Variants in MTOR observed in about 807,000 individuals in gnomAD.
MTOR encodes serine/threonine-protein kinase mTOR.
Under a neutral mutation model 319.8 loss-of-function variants are expected in MTOR, and 70 were observed. That is an observed-to-expected ratio of 0.22 (90% CI 0.18 to 0.27). The LOEUF is 0.27. MTOR is among the 10% of genes least tolerant of loss of function. The pLI is 1.00. For synonymous variants in MTOR, 1,183 were observed against 1,211.4 expected, an observed-to-expected ratio of 0.98 and a Z score of 0.49; for missense variants, 1,890 against 3,274.4, an observed-to-expected ratio of 0.58 and a Z score of 10.32.
chr1:11,224,605 T>C (rs1330200280), intron 19 of MTOR, among the ~76,000 whole-genome samples: 1 of 152,180 alleles, frequency 6.6e-6, no homozygotes, highest in Non-Finnish European at 1.5e-5. Flanking sequence ...TCCATAACGT[T>C]AGCAAATACA....
chr1:11,229,674 T>C (rs1479414989), intron 18 of MTOR, among the ~76,000 whole-genome samples: 1 of 152,190 alleles, frequency 6.6e-6, no homozygotes, highest in African/African-American at 2.4e-5. Context: ...AATATTTTCC[T>C]GGAATAGTTG....
intron 28 of MTOR, among the ~76,000 whole-genome samples, chr1:11,180,221 G>A (rs1429339310): frequency 1.3e-5 from 2 of 152,166 alleles, no homozygotes; most frequent in Admixed American, 1.3e-4. Context: ...GTGTTTTGCT[G>A]TGAGCAAAAC....
intron 28 of MTOR, among the ~76,000 whole-genome samples, chr1:11,174,795 T>C (rs908217308): frequency 7.9e-5 from 12 of 152,154 alleles, no homozygotes; most frequent in African/African-American, 2.7e-4. Flanking sequence ...AACACCCCCT[T>C]GGGTGCCCCT....
In MTOR at chr1:11,111,982, A is replaced by AC. The variant is rs1553170645; in HGVS notation, c.7366+869_7366+870insG. Among the ~76,000 whole-genome samples the AC allele has an allele frequency of 2.5e-4, 36 of 146,622 alleles. No individual in the cohort carries two copies. In the South Asian group the frequency reaches 5.0e-3, roughly 21 times the overall value. ...CAAAAACAAACAAACAAACAAACAA[A>AC]AAAACCCCCCAAAACCAGTAACTTC... is the stretch of plus-strand genomic sequence containing the variant. On this transcript the variant is annotated intron_variant, in intron 54 of 57. Coordinates refer to ENST00000361445, the MANE Select transcript of MTOR (RefSeq NM_004958.4).
chr1:11,216,769 T>C (rs1646485519), intron 19 of MTOR, among the ~76,000 whole-genome samples: 3 of 152,118 alleles, frequency 2.0e-5, no homozygotes, highest in Non-Finnish European at 1.5e-5. Flanking sequence ...AGGGGCTTTG[T>C]AACCCTCATT....
At chr1:11,134,603 T>C (rs1458870812) in intron 36 of MTOR, 137 bp from the exon 37 acceptor site, 15 of 666,258 alleles carry the variant, frequency 2.3e-5, no homozygotes, top group Non-Finnish European at 3.4e-5. Flanking sequence ...GATGACCCCA[T>C]AGGACAGAGG....
chr1:11,256,214 G>A, intron 4 of MTOR, 22 bp from the exon 5 acceptor site: 1 of 1,606,416 alleles, frequency 6.2e-7, no homozygotes, highest in Non-Finnish European at 8.5e-7. Context: ...AGCAAACCGA[G>A]AACTCTCATT....
chr1:11,235,224 G>A (rs571281523), intron 13 of MTOR, among the ~76,000 whole-genome samples: 4 of 152,244 alleles, frequency 2.6e-5, no homozygotes, highest in South Asian at 4.1e-4. Context: ...GCAGCAGTGC[G>A]GGGCCAATCC....
chr1:11,173,178 G>C (rs1644877611), intron 28 of MTOR, among the ~76,000 whole-genome samples: 1 of 152,094 alleles, frequency 6.6e-6, no homozygotes, highest in Non-Finnish European at 1.5e-5. Flanking sequence ...ATTTTTAGTA[G>C]AGATGGGGTT....
chr1:11,195,103 G>T, intron 28 of MTOR: 1 of 1,448,854 alleles, frequency 6.9e-7, no homozygotes, highest in South Asian at 1.3e-5. Flanking sequence ...CAGGAAGAGA[G>T]TGTTAGAAAG....
At chr1:11,151,931 G>C (rs144377658) in intron 30 of MTOR, among the ~76,000 whole-genome samples, 2 of 152,262 alleles carry the variant, frequency 1.3e-5, no homozygotes, top group African/African-American at 4.8e-5. Flanking sequence ...TTTTCATCTA[G>C]AGCAGGAAGC....
intron 46 of MTOR, among the ~76,000 whole-genome samples, chr1:11,125,714 G>A (rs1330709810): frequency 2.2e-5 from 3 of 134,836 alleles, no homozygotes; most frequent in African/African-American, 8.3e-5. Flanking sequence ...GGGCAACAGA[G>A]TGAGACTCTG....
intron 5 of MTOR, among the ~76,000 whole-genome samples, chr1:11,255,751 G>A (rs1328365065): frequency 6.6e-6 from 1 of 151,930 alleles, no homozygotes; most frequent in African/African-American, 2.4e-5. Flanking sequence ...AGGCTAAGGT[G>A]GGAGAAAATC....
chr1:11,242,735 C>T (rs1161510792), intron 9 of MTOR, among the ~76,000 whole-genome samples: 1 of 152,154 alleles, frequency 6.6e-6, no homozygotes, highest in Non-Finnish European at 1.5e-5. Context: ...TCAACTTCAG[C>T]GATGAGGAAA....
At chr1:11,218,153 C>T (rs975356326) in intron 19 of MTOR, among the ~76,000 whole-genome samples, 9 of 152,020 alleles carry the variant, frequency 5.9e-5, no homozygotes, top group African/African-American at 1.9e-4. Context: ...TATTACAGGC[C>T]GGGCGCGGTG....
At chr1:11,171,102 G>C (rs1301070464) in intron 28 of MTOR, among the ~76,000 whole-genome samples, 8 of 150,546 alleles carry the variant, frequency 5.3e-5, no homozygotes, top group Non-Finnish European at 7.4e-5. Flanking sequence ...GGCTGAGGCA[G>C]GAGAATTGCT....
rs1261257949 is a variant in MTOR at position 11,256,937 on chromosome 1, G to T, written c.500C>A (p.Ala167Glu). Residue 167 changes from alanine (A) to glutamate (E), a missense_variant, in exon 4 of 58, where the codon GCA becomes GAA. Transcript: ENST00000361445. ...CTCCTCCCTGTAGACACTCACAGCT[G>T]CATGTCTCCGGCCCTCATTGCGGTC... ...GADRNEGRRH[A>E]AVLVLRELAI... is the part of the protein sequence containing the mutation. 1 of 1,613,300 alleles carries T rather than the reference G, an allele frequency of 6.2e-7. No individual in the cohort carries two copies. The highest frequency in any genetic ancestry group is 8.5e-7 in the Non-Finnish European group (1 of 1,179,682).
At chr1:11,162,391 C>G (rs1644504941) in intron 29 of MTOR, among the ~76,000 whole-genome samples, 1 of 152,150 alleles carries the variant, frequency 6.6e-6, no homozygotes, top group East Asian at 1.9e-4. Flanking sequence ...CTTCCCCAAC[C>G]TAGCAAGGCA....
intron 29 of MTOR, among the ~76,000 whole-genome samples, chr1:11,165,822 T>A (rs1353625088): frequency 6.6e-6 from 1 of 152,202 alleles, no homozygotes; most frequent in Non-Finnish European, 1.5e-5. Context: ...GCTGGAGGCA[T>A]CACGCTACCT....
Sources: gnomAD v4.1 joint callset for allele counts (sites outside exome capture counted in the v4.1 genomes callset) on GRCh38, gnomAD v4.1.1 for gene constraint, MANE v1.5 for transcripts, NCBI Gene and HGNC (gene_info 2026-07-23, HGNC 2026-07-21) for gene names.